The following GNL1 variants were observed in gnomAD, a reference collection of about 807,000 sequenced individuals.
GNL1 encodes G protein nucleolar 1, also known as guanine nucleotide-binding protein-like 1.
A neutral mutation model predicts 75.2 loss-of-function variants in GNL1; 21 were observed. That is an observed-to-expected ratio of 0.28 (90% CI 0.20 to 0.40). GNL1 has a LOEUF of 0.40. Among genes scored for constraint, GNL1 ranks in the 10% least tolerant of loss-of-function variants. The pLI, the probability that GNL1 is intolerant of heterozygous loss-of-function variation, is 1.00. For synonymous variants in GNL1, 287 were observed against 303.4 expected (o/e 0.95, Z 0.56); for missense variants, 579 against 775.0 (o/e 0.75, Z 3.00).
chr6:30,556,188 G>C lies in GNL1; in HGVS notation c.16C>G (p.Pro6Ala), dbSNP rs1487263206. Residue 6 changes from proline to alanine, a missense_variant, in exon 1 of 12, where the codon CCA (proline) becomes GCA (alanine). Transcript: ENST00000376621. The surrounding 1 kb of genome is among the most constrained non-coding windows in gnomAD (Gnocchi z 5.7). MPRKKPFSVKQKKKQL... is the reference protein window; with the variant it reads MPRKKAFSVKQKKKQL... ...TTCTTCTTCTGCTTCACGCTGAATG[G>C]CTTCTTCCTCGGCATGGCCCGGACC... The C allele has an allele frequency of 6.2e-7, 1 of 1,605,086 alleles. No homozygotes were observed.
In GNL1 at chr6:30,547,041, G is replaced by C; in HGVS notation, c.1441+71C>G. On this transcript the variant is annotated intron_variant, in intron 10 of 11. Transcript: ENST00000376621. This position sits in a 1 kb window ranked among gnomAD's most constrained non-coding sequence, Gnocchi z 5.5. ...GAGGAGAGGAAAGGAGACAGGGAAG[G>C]GTAAAAGGCGAGGCAGGTAAGGAAG... is the stretch of plus-strand genomic sequence containing the variant. 7.3e-7 allele frequency: 1 copy of C among 1,374,202 alleles called. No individual in the cohort carries two copies. Among genetic ancestry groups the C allele is most frequent in the Non-Finnish European group, 1.0e-6 (1 of 964,936 alleles). 85.1% of individuals were successfully genotyped at this position (1,374,202 alleles called of 1,614,324 possible). A position where few individuals can be genotyped will look rare whatever the true frequency, so the allele number is the denominator to read the frequency against.
Position 30,553,551 on chromosome 6 carries a change from T to C in GNL1, c.607A>G (p.Asn203Asp), listed in dbSNP as rs1301954246. Residue 203 changes from asparagine to aspartate, a missense_variant, in exon 6 of 12, where the codon AAT becomes GAT. By Grantham distance (23) the Asn-to-Asp change is conservative. Transcript: ENST00000376621. ...LITDIRHPVV[N>D]FPPALYEYVT... is the part of the protein sequence containing the mutation. ...TACTCATAAAGTGCTGGCGGGAAAT[T>C]CACAACCTAGGACAGAGTTGATAAG... 3 of 1,610,522 alleles carry C rather than the reference T, an allele frequency of 1.9e-6. No homozygotes were observed. In the African/African-American group the frequency reaches 4.0e-5, roughly 22 times the overall value.
intron 5 of GNL1, among the ~76,000 whole-genome samples, chr6:30,554,029 C>T (rs1369630322): frequency 6.6e-6 from 1 of 152,176 alleles, no homozygotes; most frequent in Non-Finnish European, 1.5e-5. Flanking sequence ...ACATGATGTA[C>T]GTGTGAGTAT....
At chr6:30,554,294 T>C (rs1562713761) in intron 5 of GNL1, among the ~76,000 whole-genome samples, 1 of 152,182 alleles carries the variant, frequency 6.6e-6, no homozygotes, top group African/African-American at 2.4e-5. Context: ...GCTGCATTCA[T>C]AGAATCCCTG....
Position 30,547,212 on chromosome 6 carries a change from C to T in GNL1, c.1341G>A (p.Leu447=). The change falls in exon 10 of 12, where the codon CTG becomes CTA. Residue 447 remains leucine, a synonymous_variant. Transcript: ENST00000376621. The surrounding 1 kb of genome is among the most constrained non-coding windows in gnomAD (Gnocchi z 5.5). ...GGGCCTGCACGGGAATTCGGGAGGC[C>T]AGGTAGCCCACAGCAGTGTAGGGCT... ...IQEPYTAVGY[L]ASRIPVQALL... is the part of the protein sequence containing the mutation. 1 of 1,613,352 alleles carries T rather than the reference C, an allele frequency of 6.2e-7. No homozygotes were observed. Among genetic ancestry groups the T allele is most frequent in the South Asian group, 1.1e-5 (1 of 91,028 alleles).
In GNL1 at chr6:30,546,946, A is replaced by G; in HGVS notation, c.1442-110T>C. The G allele has an allele frequency of 8.6e-7, 1 of 1,167,436 alleles. No homozygotes were observed. Among genetic ancestry groups the G allele is most frequent in the Non-Finnish European group, 1.2e-6 (1 of 801,186 alleles). 72.3% of individuals were successfully genotyped at this position (1,167,436 alleles called of 1,614,324 possible). A position where few individuals can be genotyped will look rare whatever the true frequency, so the allele number is the denominator to read the frequency against. On this transcript the variant is annotated intron_variant, in intron 10 of 11. Transcript: ENST00000376621. The surrounding 1 kb of genome is among the most constrained non-coding windows in gnomAD (Gnocchi z 5.1). ...TTTTCCCCAAAACATTCCAGGCCAG[A>G]GATCTTACTGGCTATGCAACAAAAA...
Position 30,552,744 on chromosome 6 carries a change from T to C in GNL1, c.905-83A>G. 1.2e-5 allele frequency: 15 copies of C among 1,255,078 alleles called. No homozygotes were observed. Among genetic ancestry groups the C allele is most frequent in the Non-Finnish European group, 1.6e-5 (14 of 893,470 alleles). 77.7% of individuals were successfully genotyped at this position (1,255,078 alleles called of 1,614,324 possible). A position where few individuals can be genotyped will look rare whatever the true frequency, so the allele number is the denominator to read the frequency against. On this transcript the variant is annotated intron_variant, in intron 7 of 11. Coordinates refer to ENST00000376621, the MANE Select transcript of GNL1 (RefSeq NM_005275.5). The surrounding 1 kb of genome is among the most constrained non-coding windows in gnomAD (Gnocchi z 4.5). ...CACATACTGTGCCCTGCACAGATTA[T>C]GTAACTGGCACCCTCTGGAGTTGTA...
In GNL1 at chr6:30,556,064, G is replaced by GAA. The variant is rs2127382803; in HGVS notation, c.73+66_73+67insTT. 6.4e-7 allele frequency: 1 copy of GAA among 1,566,202 alleles called. No individual in the cohort carries two copies. The highest frequency in any genetic ancestry group is 1.7e-5 in the Admixed American group (1 of 59,858). On this transcript the variant is annotated intron_variant, in intron 1 of 11. Coordinates refer to ENST00000376621, the MANE Select transcript of GNL1 (RefSeq NM_005275.5). This position sits in a 1 kb window ranked among gnomAD's most constrained non-coding sequence, Gnocchi z 5.7. Reference sequence around the variant, plus strand: ...TCCCACGATCCCCAGAGGTGCAGCGGGCACACCCCTCCTTCCAGATGTGCG... The same window carrying GAA: ...TCCCACGATCCCCAGAGGTGCAGCGGAAGCACACCCCTCCTTCCAGATGTGCG...
At position 30,555,680 on chromosome 6, in the gene GNL1, G is replaced by A. The variant is rs777724339; in HGVS notation, c.114C>T (p.Ser38=). The A allele has an allele frequency of 1.0e-4, 161 of 1,613,498 alleles. No homozygotes were observed. Among genetic ancestry groups the A allele is most frequent in the Non-Finnish European group, 1.3e-4 (157 of 1,179,972 alleles). Residue 38 remains serine, a synonymous_variant, in exon 2 of 12, where the codon AGC becomes AGT. Transcript: ENST00000376621. This position sits in a 1 kb window ranked among gnomAD's most constrained non-coding sequence, Gnocchi z 4.3. ...GTTCCTCTCGCCGCTCCCGGCTCCC[G>A]CTGCGGCTGTTGGAACTGGAGCGCA... ...DGLRSSSNSR[S]GSRERREEQT...
rs1800114004 is a variant in GNL1 at position 30,555,681 on chromosome 6, C to T, written c.113G>A (p.Ser38Asn). Residue 38 changes from serine to asparagine, a missense_variant, in exon 2 of 12, where the codon AGC (serine) becomes AAC (asparagine). Physicochemically the swap from Ser to Asn is conservative, Grantham distance 46. Coordinates refer to ENST00000376621, the MANE Select transcript of GNL1 (RefSeq NM_005275.5). The surrounding 1 kb of genome is among the most constrained non-coding windows in gnomAD (Gnocchi z 4.3). ...TTCCTCTCGCCGCTCCCGGCTCCCG[C>T]TGCGGCTGTTGGAACTGGAGCGCAG... ...DGLRSSSNSR[S>N]GSRERREEQT... The T allele has an allele frequency of 6.2e-7, 1 of 1,613,856 alleles. No homozygotes were observed. The highest frequency in any genetic ancestry group is 8.5e-7 in the Non-Finnish European group (1 of 1,179,994).
In GNL1 at chr6:30,555,617, A is replaced by G. The variant is rs1456047175; in HGVS notation, c.177T>C (p.His59=). ...AAGGCTGCTGGTTAAGCCTGCGGAT[A>G]TGATGGGTCACAGACTCCCCGTCCG... ...DTSDGESVTH[H]IRRLNQQPSQ... is the part of the protein sequence containing the mutation. Residue 59 remains histidine, a synonymous_variant, in exon 2 of 12, where the codon CAT becomes CAC. Coordinates refer to ENST00000376621, the MANE Select transcript of GNL1 (RefSeq NM_005275.5). This position sits in a 1 kb window ranked among gnomAD's most constrained non-coding sequence, Gnocchi z 4.3. 22 of 1,613,926 alleles carry G rather than the reference A, an allele frequency of 1.4e-5. No homozygotes were observed. The highest frequency in any genetic ancestry group is 1.8e-5 in the Non-Finnish European group (21 of 1,179,984).
rs762948393 is a variant in GNL1, at chr6:30,555,121, C to A, written c.310G>T (p.Val104Phe). 15 of 1,612,954 alleles carry A rather than the reference C, an allele frequency of 9.3e-6. No individual in the cohort carries two copies. The highest frequency in any genetic ancestry group is 1.3e-5 in the Non-Finnish European group (15 of 1,180,030). ...AACTCAGCACTGACCGGCTGTAGAACTTGCTCCCGGGCTGCTCTCTTTCTC... is the reference window on the plus strand; with the variant it reads ...AACTCAGCACTGACCGGCTGTAGAAATTGCTCCCGGGCTGCTCTCTTTCTC... ...ERRKRAAREQVLQPVSAELLE... is the reference protein window; with the variant it reads ...ERRKRAAREQFLQPVSAELLE... The change falls in exon 3 of 12, where the codon GTT becomes TTT. Residue 104 changes from valine (V) to phenylalanine (F), a missense_variant. Physicochemically the swap from Val to Phe is conservative, Grantham distance 50 (BLOSUM62 -1). Transcript: ENST00000376621. The surrounding 1 kb of genome is among the most constrained non-coding windows in gnomAD (Gnocchi z 4.3).
Position 30,554,629 on chromosome 6 carries a change from C to G in GNL1, c.546G>C (p.Trp182Cys). 6.2e-7 allele frequency: 1 copy of G among 1,607,448 alleles called. No individual in the cohort carries two copies. The highest frequency in any genetic ancestry group is 2.2e-5 in the East Asian group (1 of 44,866). ...CGATGTCAGACATCTCTAACACCCG[C>G]CACAGCTGCCTCCATGTCTAAAAAG... The part of the protein sequence containing the change: ...EHNLETWRQL[W>C]RVLEMSDIVL... The change falls in exon 5 of 12, where the codon TGG (tryptophan) becomes TGC (cysteine). Residue 182 changes from tryptophan (W) to cysteine (C), a missense_variant. Coordinates refer to ENST00000376621, the MANE Select transcript of GNL1 (RefSeq NM_005275.5).
rs747118452 is a variant in GNL1, at chr6:30,552,689, G to T, written c.905-28C>A. The T allele has an allele frequency of 1.9e-6, 3 of 1,594,432 alleles. No homozygotes were observed. The South Asian group carries it at 3.4e-5, about 18-fold the overall frequency. ...GCTCAAAGAAGGAGAAGATTAAAGA[G>T]GTTCTCCCCAGGGCTGCTGTGCATG... On this transcript the variant is annotated intron_variant, in intron 7 of 11. Coordinates refer to ENST00000376621, the MANE Select transcript of GNL1 (RefSeq NM_005275.5). The surrounding 1 kb of genome is among the most constrained non-coding windows in gnomAD (Gnocchi z 4.5).
In GNL1 at chr6:30,556,072, C is replaced by G. The variant is rs1800156230; in HGVS notation, c.73+59G>C. The G allele has an allele frequency of 1.1e-5, 17 of 1,576,108 alleles. No individual in the cohort carries two copies. The highest frequency in any genetic ancestry group is 1.5e-5 in the Non-Finnish European group (17 of 1,158,814). On this transcript the variant is annotated intron_variant, in intron 1 of 11. Coordinates refer to ENST00000376621, the MANE Select transcript of GNL1 (RefSeq NM_005275.5). This position sits in a 1 kb window ranked among gnomAD's most constrained non-coding sequence, Gnocchi z 5.7. ...TCCCCAGAGGTGCAGCGGGCACACC[C>G]CTCCTTCCAGATGTGCGGAAGCCCG...
At chr6:30,554,054 T>C (rs1309676830) in intron 5 of GNL1, among the ~76,000 whole-genome samples, 1 of 152,220 alleles carries the variant, frequency 6.6e-6, no homozygotes, top group Non-Finnish European at 1.5e-5. Flanking sequence ...GTGTACATAT[T>C]ATTAAGGACC....
Position 30,555,562 on chromosome 6 carries a change from G to A in GNL1, c.232C>T (p.Pro78Ser). Residue 78 changes from proline to serine, a missense_variant, in exon 2 of 12, where the codon CCA becomes TCA. Physicochemically the swap from Pro to Ser is moderately conservative, Grantham distance 74. Coordinates refer to ENST00000376621, the MANE Select transcript of GNL1 (RefSeq NM_005275.5). The surrounding 1 kb of genome is among the most constrained non-coding windows in gnomAD (Gnocchi z 4.3). ...SQGLGPRGYD[P>S]NRYRLHFERD... Reference sequence around the variant, plus strand: ...GCCCCCTCCCACCCTCACCGATTTGGGTCGTAGCCTCGTGGACCCAGCCCC... The same window carrying A: ...GCCCCCTCCCACCCTCACCGATTTGAGTCGTAGCCTCGTGGACCCAGCCCC... 6.2e-7 allele frequency: 1 copy of A among 1,613,300 alleles called. No homozygotes were observed. The highest frequency in any genetic ancestry group is 8.5e-7 in the Non-Finnish European group (1 of 1,179,640).
Position 30,543,650 on chromosome 6 carries a change from A to T in GNL1, c.*2422T>A, listed in dbSNP as rs1799293849. 2 of 152,078 alleles carry T rather than the reference A, an allele frequency of 1.3e-5. No individual in the cohort carries two copies. Among genetic ancestry groups the T allele is most frequent in the Admixed American group, 1.3e-4 (2 of 15,264 alleles). 9.4% of individuals were successfully genotyped at this position (152,078 alleles called of 1,614,324 possible). A position where few individuals can be genotyped will look rare whatever the true frequency, so the allele number is the denominator to read the frequency against. On this transcript the variant is annotated 3_prime_UTR_variant, in exon 12 of 12. Coordinates refer to ENST00000376621, the MANE Select transcript of GNL1 (RefSeq NM_005275.5). ...TTGAGAGTAGGATATTGCCTTATTC[A>T]ATTTTGGTTATTGTCCCAGAACTCA...
Position 30,555,434 on chromosome 6 carries a change from C to T in GNL1, c.239+121G>A. 9.4e-7 allele frequency: 1 copy of T among 1,068,218 alleles called. No homozygotes were observed. 66.2% of individuals were successfully genotyped at this position (1,068,218 alleles called of 1,614,324 possible). ...TGGCCCGCTGTGGGGAGCCGAGTGG[C>T]TAGCGGAGAACTGTGGCATCCCAGG... On this transcript the variant is annotated intron_variant, in intron 2 of 11. Coordinates refer to ENST00000376621, the MANE Select transcript of GNL1 (RefSeq NM_005275.5). The surrounding 1 kb of genome is among the most constrained non-coding windows in gnomAD (Gnocchi z 4.3).
Sources: gnomAD v4.1 joint callset for allele counts (sites outside exome capture counted in the v4.1 genomes callset) on GRCh38, gnomAD v4.1.1 for gene constraint, Gnocchi (gnomAD v3.1) non-coding constraint, MANE v1.5 for transcripts, NCBI Gene and HGNC (gene_info 2026-07-23, HGNC 2026-07-21) for gene names.